RPS6KA5: variants seen among roughly 807,000 people sequenced by gnomAD.
The protein encoded by RPS6KA5 is ribosomal protein S6 kinase A5.
In RPS6KA5, 27 loss-of-function variants were observed where a neutral mutation model predicts 85.5. The ratio of observed to expected loss-of-function variants is 0.32; its 90% CI spans 0.23 to 0.44. The LOEUF (loss-of-function observed/expected upper bound fraction) is 0.44. Among genes scored for constraint, RPS6KA5 ranks in the 20% least tolerant of loss-of-function variants. The pLI is 1.00. For missense variants in RPS6KA5, 811 were observed against 980.9 expected, an observed-to-expected ratio of 0.83 and a Z score of 2.31; for synonymous variants, 334 against 348.2, an observed-to-expected ratio of 0.96 and a Z score of 0.46.
At chr14:91,054,912 A>T (rs1484064424) in intron 1 of RPS6KA5, among the ~76,000 whole-genome samples, 2 of 152,132 alleles carry the variant, frequency 1.3e-5, no homozygotes, top group African/African-American at 2.4e-5. Flanking sequence ...CTGATAAGAG[A>T]CATGTACCTA....
rs753528485 is a variant in RPS6KA5, at chr14:90,854,305, T to G, written c.*17769A>C. ...ACCAGATTTAGAACAAAACTTACTG[T>G]AGCCATTATAATCTGCTAACGTTTG... On this transcript the variant is annotated 3_prime_UTR_variant, in exon 17 of 17. Coordinates refer to ENST00000614987, the MANE Select transcript of RPS6KA5 (RefSeq NM_004755.4). 6.6e-6 allele frequency: 1 copy of G among 152,168 alleles called. No homozygotes were observed. The highest frequency in any genetic ancestry group is 6.5e-5 in the Admixed American group (1 of 15,270). 9.4% of individuals were successfully genotyped at this position (152,168 alleles called of 1,614,324 possible).
intron 11 of RPS6KA5, 34 bp downstream of exon 11, chr14:90,900,074 C>T (rs757206866): frequency 2.7e-6 from 4 of 1,494,742 alleles, no homozygotes; most frequent in East Asian, 2.3e-5. Context: ...TCATGAATAC[C>T]TAAGAAAGAA....
intron 5 of RPS6KA5, among the ~76,000 whole-genome samples, chr14:90,933,804 A>G (rs1468141106): frequency 2.0e-5 from 3 of 152,054 alleles, no homozygotes; most frequent in African/African-American, 7.2e-5. Flanking sequence ...CTTCTTTCCT[A>G]CTACTGTAAC....
chr14:90,965,373 C>T (rs759684369), intron 3 of RPS6KA5, among the ~76,000 whole-genome samples: 1 of 151,012 alleles, frequency 6.6e-6, no homozygotes, highest in Non-Finnish European at 1.5e-5. Flanking sequence ...GACTCTGTCT[C>T]AACAAAAAAA....
At chr14:90,984,587 A>C (rs1195256849) in intron 2 of RPS6KA5, among the ~76,000 whole-genome samples, 1 of 152,238 alleles carries the variant, frequency 6.6e-6, no homozygotes, top group Admixed American at 6.5e-5. Flanking sequence ...TAATGATTTC[A>C]GTGGCTTGAC....
In RPS6KA5 at chr14:90,945,549, G is replaced by A. The variant is rs145742774; in HGVS notation, c.510+1886C>T. Among the ~76,000 whole-genome samples the A allele has an allele frequency of 2.8e-3, 429 of 152,240 alleles. 2 individuals are homozygous for A. The highest frequency in any genetic ancestry group is 0.014 in the Middle Eastern group (4 of 294). On this transcript the variant is annotated intron_variant, in intron 4 of 16. Coordinates refer to ENST00000614987, the MANE Select transcript of RPS6KA5 (RefSeq NM_004755.4). Reference sequence around the variant, plus strand: ...TAGCTTTATCAAGATTAACATTGCTGGCTTTGCGTTATATTTATCTGTATC... The same window carrying A: ...TAGCTTTATCAAGATTAACATTGCTAGCTTTGCGTTATATTTATCTGTATC...
intron 1 of RPS6KA5, among the ~76,000 whole-genome samples, chr14:91,005,145 T>G (rs1056114145): frequency 1.3e-5 from 2 of 152,314 alleles, no homozygotes; most frequent in South Asian, 4.1e-4. Flanking sequence ...TTCATATAAA[T>G]GAAATCATGC....
At chr14:90,877,104 T>C (rs2033529140) in intron 14 of RPS6KA5, among the ~76,000 whole-genome samples, 1 of 152,142 alleles carries the variant, frequency 6.6e-6, no homozygotes, top group Admixed American at 6.5e-5. Flanking sequence ...GAAGAGAAAC[T>C]TGACACCTCT....
At chr14:91,029,535 T>TA (rs1285429978) in intron 1 of RPS6KA5, among the ~76,000 whole-genome samples, 1 of 152,222 alleles carries the variant, frequency 6.6e-6, no homozygotes, top group African/African-American at 2.4e-5. Context: ...AGTAGTGGCT[T>TA]AGAGTCTCAT....
chr14:90,926,235 G>T (rs1407614581), intron 5 of RPS6KA5, among the ~76,000 whole-genome samples: 1 of 151,424 alleles, frequency 6.6e-6, no homozygotes, highest in African/African-American at 2.4e-5. Context: ...CTCAAATCCT[G>T]TCTCTACTAA....
chr14:90,930,756 C>CAAAT (rs1367865694), intron 5 of RPS6KA5, among the ~76,000 whole-genome samples: 2 of 152,088 alleles, frequency 1.3e-5, no homozygotes, highest in African/African-American at 4.8e-5. Context: ...AGATAACATA[C>CAAAT]AAATGGTTAA....
rs1207932540 is a variant in RPS6KA5 at position 91,053,158 on chromosome 14, C to T, written c.103+7174G>A. On this transcript the variant is annotated intron_variant, in intron 1 of 16. Coordinates refer to ENST00000614987, the MANE Select transcript of RPS6KA5 (RefSeq NM_004755.4). The stretch of plus-strand genomic sequence containing the variant: ...AAAAAGCATCTGACAAAATCCAGCA[C>T]TCTTTCATGATTTAAAAAAACACCC... Among the ~76,000 whole-genome samples the T allele has an allele frequency of 3.9e-5, 6 of 152,208 alleles. No individual in the cohort carries two copies. The East Asian group carries it at 1.2e-3, about 29-fold the overall frequency.
intron 2 of RPS6KA5, among the ~76,000 whole-genome samples, chr14:90,991,166 T>C (rs529690415): frequency 2.0e-5 from 3 of 152,224 alleles, no homozygotes; most frequent in East Asian, 3.9e-4. Flanking sequence ...TGTTCTTAAA[T>C]AGAAAAACTG....
At chr14:90,958,626 C>A (rs900176181) in intron 3 of RPS6KA5, among the ~76,000 whole-genome samples, 1 of 152,060 alleles carries the variant, frequency 6.6e-6, no homozygotes, top group African/African-American at 2.4e-5. Flanking sequence ...AAGAATATAT[C>A]TTCCTAAGGT....
At chr14:90,918,867 T>TAACTTAGAAATA (rs369785233) in intron 7 of RPS6KA5, among the ~76,000 whole-genome samples, 74 of 152,342 alleles carry the variant, frequency 4.9e-4, no homozygotes, top group African/African-American at 1.7e-3. Flanking sequence ...TAAATTACTG[T>TAACTTAGAAATA]AACTTAGAAC....
intron 1 of RPS6KA5, among the ~76,000 whole-genome samples, chr14:91,026,502 T>G (rs998886253): frequency 6.6e-6 from 1 of 152,168 alleles, no homozygotes. Context: ...AATGTTGGGA[T>G]TACAGGCATG....
intron 1 of RPS6KA5, among the ~76,000 whole-genome samples, chr14:91,024,900 G>T (rs1266781332): frequency 6.6e-6 from 1 of 150,616 alleles, no homozygotes; most frequent in Non-Finnish European, 1.5e-5. Flanking sequence ...AATTTTTTTT[G>T]AGACCAAGTC....
At chr14:90,984,664 G>T (rs1177973690) in intron 2 of RPS6KA5, among the ~76,000 whole-genome samples, 1 of 152,152 alleles carries the variant, frequency 6.6e-6, no homozygotes, top group Non-Finnish European at 1.5e-5. Context: ...CTTGGAGTAG[G>T]TTTCTTTTCA....
chr14:90,877,918 T>C (rs1490082215), intron 14 of RPS6KA5, among the ~76,000 whole-genome samples: 1 of 152,268 alleles, frequency 6.6e-6, no homozygotes, highest in Non-Finnish European at 1.5e-5. Flanking sequence ...ACATTTAACA[T>C]ACCTAGTATT....
Sources: allele counts gnomAD v4.1 joint callset (sites outside exome capture counted in the v4.1 genomes callset), GRCh38; gene constraint gnomAD v4.1.1; transcripts MANE v1.5; gene names NCBI Gene and HGNC (gene_info 2026-07-23, HGNC 2026-07-21).